The following DENND2A variants were observed in gnomAD, a reference collection of about 807,000 sequenced individuals.
DENND2A encodes the protein DENN domain containing 2A.
DENND2A carries 53 observed loss-of-function variants against 105.3 expected under a neutral mutation model. The ratio of observed to expected loss-of-function variants is 0.50; its 90% CI spans 0.40 to 0.63. The LOEUF is 0.63. Ranked by LOEUF, DENND2A falls within the 30% of genes least tolerant of loss-of-function variation. The pLI is 0.00. For synonymous variants in DENND2A, 522 were observed against 508.4 expected (o/e 1.03, Z -0.36); for missense variants, 1,138 against 1,279.6 (o/e 0.89, Z 1.69).
rs1206470072 is a variant in DENND2A, at chr7:140,523,098, G to C, written c.2665+209C>G. Among the ~76,000 whole-genome samples the C allele has an allele frequency of 6.6e-6, 1 of 152,100 alleles. No homozygotes were observed. Among genetic ancestry groups the C allele is most frequent in the African/African-American group, 2.4e-5 (1 of 41,418 alleles). On this transcript the variant is annotated intron_variant, in intron 17 of 19. Transcript: ENST00000496613. The surrounding 1 kb of genome is among the most constrained non-coding windows in gnomAD (Gnocchi z 4.5). ...AATTTCCACGCCCCCCTTTTAAACA[G>C]GTACTTTAAGGCCAAAATGGGGGAG...
At chr7:140,561,241 T>A (rs534581649) in intron 9 of DENND2A, among the ~76,000 whole-genome samples, 1 of 152,252 alleles carries the variant, frequency 6.6e-6, no homozygotes, top group South Asian at 2.1e-4. Flanking sequence ...TTTCTAATTA[T>A]TTATCTCATT....
chr7:140,583,926 G>GAA (rs35931795), intron 5 of DENND2A, among the ~76,000 whole-genome samples: 77 of 107,542 alleles, frequency 7.2e-4, no homozygotes, highest in African/African-American at 9.5e-4. Flanking sequence ...ACTCCGTCTC[G>GAA]AAAAAAAAAA....
chr7:140,583,786 C>T lies in DENND2A; in HGVS notation c.1245+1803G>A, dbSNP rs1025486197. 3.4e-5 allele frequency among the ~76,000 whole-genome samples: 5 copies of T among 148,872 alleles called. No individual in the cohort carries two copies. In the East Asian group the frequency reaches 7.8e-4, roughly 23 times the overall value. On this transcript the variant is annotated intron_variant, in intron 5 of 19. Transcript: ENST00000496613. ...CTAAAAATACAAAAAATTAGCCAGG[C>T]GTGGTGGCGGGCGCCTGTAGTCCCA...
chr7:140,520,936 G>A (rs1036605270), intron 18 of DENND2A, among the ~76,000 whole-genome samples: 1 of 147,708 alleles, frequency 6.8e-6, no homozygotes, highest in Non-Finnish European at 1.5e-5. Context: ...GTGCAATGGT[G>A]CAATCTCGGC....
chr7:140,607,331 A>G (rs1159220919), intron 1 of DENND2A, among the ~76,000 whole-genome samples: 1 of 152,142 alleles, frequency 6.6e-6, no homozygotes, highest in Non-Finnish European at 1.5e-5. Context: ...AGAAAAAGAA[A>G]AGGAGAGTGC....
chr7:140,633,775 A>G (rs901348515), intron 1 of DENND2A, among the ~76,000 whole-genome samples: 4 of 151,968 alleles, frequency 2.6e-5, no homozygotes, highest in Admixed American at 2.0e-4. Flanking sequence ...CACGGAAGAC[A>G]ATCTATAAAG....
intron 1 of DENND2A, among the ~76,000 whole-genome samples, chr7:140,637,421 G>A (rs922384569): frequency 1.3e-5 from 2 of 152,176 alleles, no homozygotes; most frequent in African/African-American, 4.8e-5. Context: ...AAACCAAAGG[G>A]AAGAGCCTGG....
intron 1 of DENND2A, among the ~76,000 whole-genome samples, chr7:140,624,220 C>T (rs1012995203): frequency 2.0e-5 from 3 of 152,212 alleles, no homozygotes; most frequent in Non-Finnish European, 4.4e-5. Flanking sequence ...GCTGACCCAG[C>T]CTTCCACATC....
chr7:140,537,596 C>T (rs557382890), intron 14 of DENND2A, among the ~76,000 whole-genome samples: 37 of 152,346 alleles, frequency 2.4e-4, no homozygotes, highest in African/African-American at 8.9e-4. Flanking sequence ...CATGTGCCAG[C>T]ATGCCCAGCT....
In DENND2A at chr7:140,518,559, G is replaced by C; in HGVS notation, c.*148C>G. 1 of 742,916 alleles carries C rather than the reference G, an allele frequency of 1.3e-6. No individual in the cohort carries two copies. The highest frequency in any genetic ancestry group is 2.3e-5 in the South Asian group (1 of 44,372). The allele number at this position is 742,916 out of a possible 1,614,324, so 46.0% of individuals were successfully genotyped here. On this transcript the variant is annotated 3_prime_UTR_variant, in exon 20 of 20. Coordinates refer to ENST00000496613, the MANE Select transcript of DENND2A (RefSeq NM_015689.5). ...CAGGCGGCTCCCAGGTCCTCATCCAGGGAAGAGCCCAGCCTCGGCCAGAAG... is the reference window on the plus strand; with the variant it reads ...CAGGCGGCTCCCAGGTCCTCATCCACGGAAGAGCCCAGCCTCGGCCAGAAG...
intron 14 of DENND2A, chr7:140,544,172 A>G (rs141414846): frequency 0.014 from 3,591 of 250,806 alleles, 128 homozygotes; most frequent in African/African-American, 0.074. Flanking sequence ...GATTACAGGC[A>G]TGAGCCACCG....
rs533606007 is a variant in DENND2A at position 140,577,606 on chromosome 7, C to T, written c.1246-3598G>A. On this transcript the variant is annotated intron_variant, in intron 5 of 19. Transcript: ENST00000496613. Reference sequence around the variant, plus strand: ...AGAGACGGGGTTTTGCCATATTGGCCAGGCTGGTCTCAAACTCCTGACCTT... The same window carrying T: ...AGAGACGGGGTTTTGCCATATTGGCTAGGCTGGTCTCAAACTCCTGACCTT... Among the ~76,000 whole-genome samples, 21 of 152,170 alleles carry T rather than the reference C, an allele frequency of 1.4e-4. 3 individuals are homozygous for T. In the South Asian group the frequency reaches 2.3e-3, roughly 17 times the overall value.
At chr7:140,528,286 A>C (rs994147587) in intron 14 of DENND2A, among the ~76,000 whole-genome samples, 2 of 152,196 alleles carry the variant, frequency 1.3e-5, no homozygotes, top group African/African-American at 4.8e-5. Flanking sequence ...CTATTGAAAC[A>C]CTGTAGCTTT....
intron 1 of DENND2A, among the ~76,000 whole-genome samples, chr7:140,621,099 G>A (rs1800273800): frequency 6.6e-6 from 1 of 152,174 alleles, no homozygotes; most frequent in Admixed American, 6.5e-5. Context: ...TGGCATCATG[G>A]CTCACTGCAG....
chr7:140,579,010 TC>T (rs1798421515), intron 5 of DENND2A, among the ~76,000 whole-genome samples: 1 of 151,904 alleles, frequency 6.6e-6, no homozygotes, highest in Non-Finnish European at 1.5e-5. Flanking sequence ...ATGCGGTGGC[TC>T]ATGGCCTGGA....
intron 1 of DENND2A, among the ~76,000 whole-genome samples, chr7:140,639,010 G>C (rs1006154165): frequency 6.6e-6 from 1 of 152,222 alleles, no homozygotes; most frequent in African/African-American, 2.4e-5. Context: ...AGCTGTGTAA[G>C]GGTATGAATA....
rs374426350 is a variant in DENND2A, at chr7:140,541,942, C to G, written c.2327+2676G>C. On this transcript the variant is annotated intron_variant, in intron 14 of 19. Transcript: ENST00000496613. ...TTCCCGCCCCGCCTCCTGAGGAATT[C>G]CACATCTACGGAGTTTGTCCCTTCC... Among the ~76,000 whole-genome samples the G allele has an allele frequency of 2.6e-5, 4 of 152,216 alleles. No individual in the cohort carries two copies. In the South Asian group the frequency reaches 8.3e-4, roughly 31 times the overall value.
At chr7:140,522,995 C>A (rs146745843) in intron 17 of DENND2A, among the ~76,000 whole-genome samples, 2,287 of 151,514 alleles carry the variant, frequency 0.015, 55 homozygotes, top group African/African-American at 0.053. Flanking sequence ...GCAGCCTCAA[C>A]CTCCAGGGCT....
chr7:140,535,585 AT>A (rs1354829306), intron 14 of DENND2A, among the ~76,000 whole-genome samples: 1 of 144,176 alleles, frequency 6.9e-6, no homozygotes, highest in Non-Finnish European at 1.5e-5. Context: ...TTTTTTTTTA[AT>A]TTTTTACTTT....
Sources: gnomAD v4.1 joint callset for allele counts (sites outside exome capture counted in the v4.1 genomes callset) on GRCh38, gnomAD v4.1.1 for gene constraint, Gnocchi (gnomAD v3.1) non-coding constraint, MANE v1.5 for transcripts, NCBI Gene and HGNC (gene_info 2026-07-23, HGNC 2026-07-21) for gene names.